The following TXNRD2 variants were observed in gnomAD, a reference collection of about 807,000 sequenced individuals.
TXNRD2 encodes thioredoxin reductase 2.
Under a neutral mutation model 70.8 loss-of-function variants are expected in TXNRD2, and 67 were observed. The ratio of observed to expected loss-of-function variants is 0.95; its 90% CI spans 0.78 to 1.16. The LOEUF (loss-of-function observed/expected upper bound fraction) is 1.16, where lower values mean the gene tolerates loss of function less well. Among genes scored for constraint, TXNRD2 ranks in the 50% most tolerant of loss-of-function variants. The probability of loss-of-function intolerance (pLI) is 0.00; values close to 1 mark genes in which losing one functional copy is unlikely to be tolerated. For missense variants in TXNRD2, 644 were observed against 719.9 expected (o/e 0.89, Z 1.21); for synonymous variants, 301 against 295.8 (o/e 1.02, Z -0.18).
chr22:19,910,623 T>C (rs1262254390), intron 8 of TXNRD2, among the ~76,000 whole-genome samples: 1 of 152,208 alleles, frequency 6.6e-6, no homozygotes, highest in African/African-American at 2.4e-5. Context: ...GTTTATTGTT[T>C]AGTTTTGAGA....
intron 8 of TXNRD2, among the ~76,000 whole-genome samples, chr22:19,907,295 G>GCA (rs1940089572): frequency 3.5e-4 from 12 of 33,816 alleles, no homozygotes; most frequent in South Asian, 1.5e-3. Context: ...GGGTGTGGGC[G>GCA]CCGTGGATAG....
intron 8 of TXNRD2, among the ~76,000 whole-genome samples, chr22:19,901,149 G>A (rs1309539198): frequency 2.6e-5 from 4 of 152,190 alleles, no homozygotes; most frequent in African/African-American, 7.2e-5. Flanking sequence ...CTCTGCCACC[G>A]ACGTGTACAT....
chr22:19,925,285 A>AAAAAC (rs1225253101), intron 2 of TXNRD2, among the ~76,000 whole-genome samples: 6 of 151,888 alleles, frequency 4.0e-5, no homozygotes, highest in East Asian at 1.9e-4. Context: ...CTCCATCTCA[A>AAAAAC]AAAACAAAAC....
rs1420633533 is a variant in TXNRD2 at position 19,918,134 on chromosome 22, C to T, written c.449+9G>A. ...GAGGGCGGCCCATTCCCGGAGAGAG[C>T]TTCAGTACCTGTCCTGAAGCTGGAC... On this transcript the variant is annotated intron_variant, in intron 5 of 17. Transcript: ENST00000400521. 4 of 1,613,886 alleles carry T rather than the reference C, an allele frequency of 2.5e-6. No individual in the cohort carries two copies. Among genetic ancestry groups the T allele is most frequent in the Non-Finnish European group, 1.7e-6 (2 of 1,179,894 alleles).
At chr22:19,887,901 T>C (rs761001051) in intron 11 of TXNRD2, 34 of 153,274 alleles carry the variant, frequency 2.2e-4, no homozygotes, top group Admixed American at 3.3e-4. Context: ...CACTGGCACG[T>C]TGGCGAACCT....
At chr22:19,892,637 A>G (rs973892238) in intron 11 of TXNRD2, among the ~76,000 whole-genome samples, 2 of 152,030 alleles carry the variant, frequency 1.3e-5, no homozygotes, top group Non-Finnish European at 1.5e-5. Flanking sequence ...CTACATCCCT[A>G]TGGGCTTGGT....
rs757761903 is a variant in TXNRD2, at chr22:19,877,058, G to A, written c.*47C>T. On this transcript the variant is annotated 3_prime_UTR_variant, in exon 17 of 18. Transcript: ENST00000400521. ...TGCATACCTGGGTCTGGCCTCCGAG[G>A]AGCTGGCGGCGGGCGCACCGTGTGC... 1 of 1,568,822 alleles carries A rather than the reference G, an allele frequency of 6.4e-7. No homozygotes were observed. Among genetic ancestry groups the A allele is most frequent in the African/African-American group, 1.3e-5 (1 of 74,408 alleles).
chr22:19,930,848 G>A lies in TXNRD2; in HGVS notation c.172+182C>T, dbSNP rs114490696. Among the ~76,000 whole-genome samples, 1,873 of 152,306 alleles carry A rather than the reference G, an allele frequency of 0.012. 29 individuals are homozygous for A. The highest frequency in any genetic ancestry group is 0.043 in the African/African-American group (1,782 of 41,562). On this transcript the variant is annotated intron_variant, in intron 2 of 17. Transcript: ENST00000400521. The stretch of plus-strand genomic sequence containing the variant: ...CAGTTCAGCCATGAAGTGCCACGGC[G>A]GCCGCTGGGTACAGCAGACAGCTGG...
At chr22:19,903,017 A>G (rs778292390) in intron 8 of TXNRD2, 10 of 518,652 alleles carry the variant, frequency 1.9e-5, no homozygotes, top group Non-Finnish European at 1.5e-5. Context: ...AGCCCAAGTT[A>G]TAAAAACACT....
rs905835965 is a variant in TXNRD2 at position 19,878,275 on chromosome 22, T to C, written c.1348-88A>G. On this transcript the variant is annotated intron_variant, in intron 15 of 17. Coordinates refer to ENST00000400521, the MANE Select transcript of TXNRD2 (RefSeq NM_006440.5). ...CACCCTGCACCCTGCCTGGGAGGCA[T>C]GGGTGGGGCCAGTCCTCGGGTGTTC... is the stretch of plus-strand genomic sequence containing the variant. The C allele has an allele frequency of 2.5e-6, 4 of 1,587,548 alleles. No individual in the cohort carries two copies. In the African/African-American group the frequency reaches 5.4e-5, roughly 21 times the overall value.
At chr22:19,879,287 C>T (rs1016658885) in intron 14 of TXNRD2, among the ~76,000 whole-genome samples, 2 of 152,186 alleles carry the variant, frequency 1.3e-5, no homozygotes, top group African/African-American at 4.8e-5. Flanking sequence ...CCGCAGGCCC[C>T]ACCGCCCAGG....
Position 19,915,348 on chromosome 22 carries a change from C to T in TXNRD2, c.529-72G>A, listed in dbSNP as rs994397041. On this transcript the variant is annotated intron_variant, in intron 6 of 17. Coordinates refer to ENST00000400521, the MANE Select transcript of TXNRD2 (RefSeq NM_006440.5). ...TCACCCCACCGGAGGGCCTGAGCAC[C>T]ACAGACCTTGGCCAGCAGTTCCCAC... 30 of 1,523,672 alleles carry T rather than the reference C, an allele frequency of 2.0e-5. No homozygotes were observed. The Middle Eastern group carries it at 5.1e-4, about 26-fold the overall frequency. The allele number at this position is 1,523,672 out of a possible 1,614,324, so 94.4% of individuals were successfully genotyped here. A position where few individuals can be genotyped will look rare whatever the true frequency, so the allele number is the denominator to read the frequency against.
intron 8 of TXNRD2, chr22:19,911,135 T>C (rs1337581074): frequency 1.6e-6 from 1 of 609,828 alleles, no homozygotes; most frequent in African/African-American, 1.9e-5. Flanking sequence ...CTCACTATAT[T>C]GCCCAGGCTG....
Position 19,880,186 on chromosome 22 carries a change from T to G in TXNRD2, c.1268A>C (p.His423Pro). 1 of 1,613,198 alleles carries G rather than the reference T, an allele frequency of 6.2e-7. No individual in the cohort carries two copies. Among genetic ancestry groups the G allele is most frequent in the Non-Finnish European group, 8.5e-7 (1 of 1,179,960 alleles). The stretch of plus-strand genomic sequence containing the variant: ...GCTGCTCCCAGGCCTCACCTCAACA[T>G]GCTCCTGCCCGTGGCGAGCCACTGC... ...EEAVARHGQE[H>P]VEVYHAHYKP... is the part of the protein sequence containing the mutation. The change falls in exon 14 of 18, where the codon CAT (histidine) becomes CCT (proline). Residue 423 changes from histidine (H) to proline (P), a missense_variant. Transcript: ENST00000400521.
At chr22:19,895,057 C>G in intron 11 of TXNRD2, 1 of 1,583,034 alleles carries the variant, frequency 6.3e-7, no homozygotes, top group Non-Finnish European at 8.5e-7. Flanking sequence ...CCTTAATAAG[C>G]AATTGCTCAA....
At chr22:19,903,115 A>T in intron 8 of TXNRD2, 1 of 494,912 alleles carries the variant, frequency 2.0e-6, no homozygotes, top group South Asian at 1.5e-5. Flanking sequence ...GGCTGGCTGC[A>T]GCCCCTCCCC....
intron 11 of TXNRD2, among the ~76,000 whole-genome samples, chr22:19,889,093 C>T (rs189858877): frequency 1.2e-4 from 19 of 152,160 alleles, no homozygotes; most frequent in African/African-American, 3.6e-4. Flanking sequence ...CACCAGGGAC[C>T]CCTAGGCCGT....
intron 2 of TXNRD2, among the ~76,000 whole-genome samples, chr22:19,925,014 G>A (rs1357748197): frequency 6.6e-6 from 1 of 151,554 alleles, no homozygotes; most frequent in African/African-American, 2.4e-5. Flanking sequence ...GCCAGGCATG[G>A]TGGCTCACGC....
Position 19,926,095 on chromosome 22 carries a change from G to A in TXNRD2, c.172+4935C>T, listed in dbSNP as rs191261328. Reference sequence around the variant, plus strand: ...GGAGAATTGCTTGAACCTGGGAGGCGGAGGTTGCGGTGAGCCGAGATTGTG... The same window carrying A: ...GGAGAATTGCTTGAACCTGGGAGGCAGAGGTTGCGGTGAGCCGAGATTGTG... On this transcript the variant is annotated intron_variant, in intron 2 of 17. Transcript: ENST00000400521. 1.7e-3 allele frequency among the ~76,000 whole-genome samples: 264 copies of A among 151,216 alleles called. 2 individuals are homozygous for A. Among genetic ancestry groups the A allele is most frequent in the Non-Finnish European group, 1.1e-3 (77 of 67,804 alleles).
Sources: allele counts gnomAD v4.1 joint callset (sites outside exome capture counted in the v4.1 genomes callset), GRCh38; gene constraint gnomAD v4.1.1; transcripts MANE v1.5; gene names NCBI Gene and HGNC (gene_info 2026-07-23, HGNC 2026-07-21).